FAM216A: variants seen among roughly 807,000 people sequenced by gnomAD.
FAM216A encodes the protein protein FAM216A.
Under a neutral mutation model 37.6 loss-of-function variants are expected in FAM216A, and 26 were observed. The ratio of observed to expected loss-of-function variants is 0.69; its 90% CI spans 0.51 to 0.96. The LOEUF (loss-of-function observed/expected upper bound fraction) is 0.96, where lower values mean the gene tolerates loss of function less well. FAM216A is among the 40% of genes least tolerant of loss of function. The pLI, the probability that FAM216A is intolerant of heterozygous loss-of-function variation, is 0.00. For synonymous variants in FAM216A, 110 were observed against 121.7 expected (o/e 0.90, Z 0.64); for missense variants, 326 against 339.3 (o/e 0.96, Z 0.31).
At chr12:110,474,062 T>C (rs1423746144) in intron 2 of FAM216A, among the ~76,000 whole-genome samples, 1 of 152,140 alleles carries the variant, frequency 6.6e-6, no homozygotes, top group Non-Finnish European at 1.5e-5. Context: ...ATATAGTCAT[T>C]ACAGTTACCT....
At chr12:110,481,360 C>T (rs2135550116) in intron 2 of FAM216A, among the ~76,000 whole-genome samples, 1 of 152,084 alleles carries the variant, frequency 6.6e-6, no homozygotes, top group South Asian at 2.1e-4. Flanking sequence ...TTTTCTTTTT[C>T]TTTTGAGTCA....
chr12:110,468,500 T>G (rs529971357), upstream of FAM216A: 154 of 1,537,176 alleles, frequency 1.0e-4, no homozygotes, highest in South Asian at 1.6e-3. Flanking sequence ...CAGATAAAGC[T>G]CCGCATCCTT....
chr12:110,481,528 GTTT>G (rs541934479), intron 2 of FAM216A, among the ~76,000 whole-genome samples: 1 of 138,826 alleles, frequency 7.2e-6, no homozygotes, highest in Admixed American at 7.3e-5. Context: ...TGTGTGTGTG[GTTT>G]TTTTTTTTTT....
intron 3 of FAM216A, 33 bp downstream of exon 3, chr12:110,485,232 A>T: frequency 6.3e-7 from 1 of 1,580,742 alleles, no homozygotes; most frequent in Non-Finnish European, 8.6e-7. Context: ...AAATACCAAT[A>T]CTCTTTGTAT....
At chr12:110,468,447 T>C (rs370132105), upstream of FAM216A, 55 of 1,535,710 alleles carry the variant, frequency 3.6e-5, no homozygotes, top group African/African-American at 6.7e-4. Flanking sequence ...AATCGGCCGT[T>C]GGGATGCTGT....
intron 2 of FAM216A, among the ~76,000 whole-genome samples, chr12:110,484,458 ATATAG>A (rs1168542621): frequency 7.6e-5 from 11 of 145,444 alleles, no homozygotes; most frequent in Middle Eastern, 3.6e-3. Context: ...AAAAAAAACT[ATATAG>A]TAAAGTTAAA....
intron 5 of FAM216A, chr12:110,487,528 CAGAT>C (rs1362109206): frequency 2.8e-5 from 6 of 214,690 alleles, no homozygotes; most frequent in Non-Finnish European, 5.5e-5. Context: ...ATTTCTTTAT[CAGAT>C]AGAGTTATGG....
chr12:110,479,835 T>TA (rs1050629955), intron 2 of FAM216A, among the ~76,000 whole-genome samples: 40 of 146,702 alleles, frequency 2.7e-4, no homozygotes, highest in Admixed American at 4.1e-4. Flanking sequence ...AGGCTCCATC[T>TA]AAAAAAAAAC....
At chr12:110,477,520 T>G (rs1005769295) in intron 2 of FAM216A, among the ~76,000 whole-genome samples, 41 of 150,426 alleles carry the variant, frequency 2.7e-4, no homozygotes, top group African/African-American at 9.8e-4. Context: ...GCTCGCCTAA[T>G]TTTTTTGTAT....
intron 2 of FAM216A, among the ~76,000 whole-genome samples, chr12:110,479,531 GAA>G (rs561234124): frequency 1.5e-5 from 2 of 137,182 alleles, no homozygotes; most frequent in Admixed American, 7.4e-5. Context: ...ACATGCTTCT[GAA>G]AAAAAAAAAA....
At chr12:110,488,304 G>A (rs146779614) in intron 6 of FAM216A, among the ~76,000 whole-genome samples, 214 of 151,802 alleles carry the variant, frequency 1.4e-3, no homozygotes, top group African/African-American at 4.8e-3. Context: ...CCAGCTACTT[G>A]GGAGACTGAG....
chr12:110,478,134 T>C (rs1350757250), intron 2 of FAM216A, among the ~76,000 whole-genome samples: 1 of 152,250 alleles, frequency 6.6e-6, no homozygotes, highest in Middle Eastern at 3.2e-3. Flanking sequence ...CATGGATTCT[T>C]ATACCATTGA....
chr12:110,468,563 G>A (rs1304470384), upstream of FAM216A: 3 of 1,537,298 alleles, frequency 2.0e-6, no homozygotes, highest in South Asian at 3.6e-5. Context: ...CCTGTATGGT[G>A]ACCCTCGCGA....
chr12:110,468,787 C>A (rs551964828), upstream of FAM216A: 7 of 1,461,100 alleles, frequency 4.8e-6, no homozygotes, highest in South Asian at 9.5e-5. Flanking sequence ...GGGCAGTGTC[C>A]GAACGGCTTC....
chr12:110,486,364 A>G lies in FAM216A; in HGVS notation c.346A>G (p.Ser116Gly), dbSNP rs1168248163. ...CACAGGCCAGAAGCGTTACCTGTGC[A>G]GCATTGCTAAAATCTATAATGCAAA... Reference protein sequence around the residue: ...LTTGQKRYLCSIAKIYNANYL... With the variant: ...LTTGQKRYLCGIAKIYNANYL... The change falls in exon 4 of 7, where the codon AGC becomes GGC. Residue 116 changes from serine (S) to glycine (G), a missense_variant. Transcript: ENST00000377673. The G allele has an allele frequency of 6.2e-7, 1 of 1,613,818 alleles. No homozygotes were observed. The highest frequency in any genetic ancestry group is 1.3e-5 in the African/African-American group (1 of 74,918).
intron 2 of FAM216A, among the ~76,000 whole-genome samples, chr12:110,478,232 G>C (rs922549304): frequency 3.3e-5 from 5 of 152,066 alleles, no homozygotes; most frequent in Non-Finnish European, 5.9e-5. Flanking sequence ...TTTAAAGATG[G>C]CTCTTGTTCT....
intron 2 of FAM216A, among the ~76,000 whole-genome samples, chr12:110,476,352 A>C (rs1483706055): frequency 1.3e-5 from 2 of 151,532 alleles, no homozygotes; most frequent in Non-Finnish European, 2.9e-5. Context: ...GTCGCCCACC[A>C]CCACGCCCCG....
chr12:110,483,368 A>G lies in FAM216A; in HGVS notation c.185-1710A>G, dbSNP rs1592981274. ...AGAGGCATTTCGTGATTTAATTGTC[A>G]GAGACTATTTTTCCCAAAACTGCTA... On this transcript the variant is annotated intron_variant, in intron 2 of 6. Transcript: ENST00000377673. Among the ~76,000 whole-genome samples the G allele has an allele frequency of 2.0e-5, 3 of 151,780 alleles. 1 individual carries two copies. Among genetic ancestry groups the G allele is most frequent in the African/African-American group, 7.2e-5 (3 of 41,388 alleles).
rs569775491 is a variant in FAM216A at position 110,474,864 on chromosome 12, G to C, written c.184+1746G>C. On this transcript the variant is annotated intron_variant, in intron 2 of 6. Coordinates refer to ENST00000377673, the MANE Select transcript of FAM216A (RefSeq NM_013300.3). ...TAAAATAAAAAATCAGCTGGGTGTGGTGGTGCATCCCTATAATCCCAGCTA... is the reference window on the plus strand; with the variant it reads ...TAAAATAAAAAATCAGCTGGGTGTGCTGGTGCATCCCTATAATCCCAGCTA... Among the ~76,000 whole-genome samples the C allele has an allele frequency of 2.6e-5, 4 of 152,008 alleles. No individual in the cohort carries two copies. The South Asian group carries it at 8.3e-4, about 32-fold the overall frequency.
Sources: allele counts gnomAD v4.1 joint callset (sites outside exome capture counted in the v4.1 genomes callset), GRCh38; gene constraint gnomAD v4.1.1; transcripts MANE v1.5; gene names NCBI Gene and HGNC (gene_info 2026-07-23, HGNC 2026-07-21).